ANKFY1: variants seen among roughly 807,000 people sequenced by gnomAD.
ANKFY1 encodes ankyrin repeat and FYVE domain containing 1.
ANKFY1 carries 47 observed loss-of-function variants against 128.3 expected under a neutral mutation model. That is an observed-to-expected ratio of 0.37 (90% CI 0.29 to 0.47). The LOEUF (loss-of-function observed/expected upper bound fraction) is 0.47, where lower values mean the gene tolerates loss of function less well. ANKFY1 is among the 20% of genes least tolerant of loss of function. The pLI is 1.00. For missense variants in ANKFY1, 1,222 were observed against 1,510.6 expected (o/e 0.81, Z 3.17); for synonymous variants, 553 against 601.6 (o/e 0.92, Z 1.18).
chr17:4,212,385 C>G (rs2060148851), intron 4 of ANKFY1, among the ~76,000 whole-genome samples: 1 of 152,198 alleles, frequency 6.6e-6, no homozygotes, highest in Non-Finnish European at 1.5e-5. Flanking sequence ...CCTCTCTCCT[C>G]CTCTATAAAA....
chr17:4,252,809 C>G (rs1967908000), intron 1 of ANKFY1, among the ~76,000 whole-genome samples: 1 of 152,170 alleles, frequency 6.6e-6, no homozygotes, highest in Non-Finnish European at 1.5e-5. Flanking sequence ...AGCTGGTAAA[C>G]AGACACAACT....
chr17:4,213,022 G>A (rs920640680), intron 4 of ANKFY1, among the ~76,000 whole-genome samples: 13 of 151,906 alleles, frequency 8.6e-5, no homozygotes, highest in African/African-American at 3.1e-4. Flanking sequence ...TGACCCGCCC[G>A]CCTCAGCCTC....
intron 19 of ANKFY1, among the ~76,000 whole-genome samples, 164 bp downstream of exon 19, chr17:4,176,962 C>T (rs1200278999): frequency 1.3e-5 from 2 of 152,220 alleles, no homozygotes; most frequent in East Asian, 1.9e-4. Flanking sequence ...GCGCTCAGGA[C>T]GTGCAGCCCT....
At position 4,197,461 on chromosome 17, in the gene ANKFY1, A is replaced by G; in HGVS notation, c.1015T>C (p.Ser339Pro). 3 of 1,614,142 alleles carry G rather than the reference A, an allele frequency of 1.9e-6. No individual in the cohort carries two copies. The highest frequency in any genetic ancestry group is 2.5e-6 in the Non-Finnish European group (3 of 1,180,038). The change falls in exon 8 of 25, where the codon TCA becomes CCA. Residue 339 changes from serine (S) to proline (P), a missense_variant. By Grantham distance (74) the Ser-to-Pro change is moderately conservative. Transcript: ENST00000341657. ...GCCATCTCAGACATCACATCTGCTG[A>G]GTGTTTCTTTGAACTGTACAAGGCC... The part of the protein sequence containing the change: ...LVALYSSKKH[S>P]ADVMSEMAQI...
chr17:4,239,246 G>A (rs1309670227), intron 2 of ANKFY1, among the ~76,000 whole-genome samples: 1 of 152,178 alleles, frequency 6.6e-6, no homozygotes, highest in East Asian at 1.9e-4. Flanking sequence ...TAAATGATGG[G>A]CATTCTAATG....
At chr17:4,189,324 C>T (rs2059669928) in intron 11 of ANKFY1, 58 bp downstream of exon 11, 1 of 1,425,872 alleles carries the variant, frequency 7.0e-7, no homozygotes, top group Admixed American at 2.0e-5. Flanking sequence ...ACATATCCAC[C>T]ACTGCCATTT....
chr17:4,175,933 G>A (rs968920272), intron 19 of ANKFY1, among the ~76,000 whole-genome samples: 2 of 152,196 alleles, frequency 1.3e-5, no homozygotes, highest in African/African-American at 4.8e-5. Context: ...CTGTCATGCC[G>A]GGCCCCAGGA....
intron 1 of ANKFY1, among the ~76,000 whole-genome samples, chr17:4,255,874 A>G (rs1041961487): frequency 4.5e-4 from 68 of 151,680 alleles, no homozygotes; most frequent in African/African-American, 1.6e-3. Flanking sequence ...CTGGAGTGCA[A>G]TGGCGCGATC....
At position 4,195,474 on chromosome 17, in the gene ANKFY1, G is replaced by A. The variant is rs1411498835; in HGVS notation, c.1104-3C>T. On this transcript the variant is annotated splice_region_variant and splice_polypyrimidine_tract_variant and intron_variant, in intron 8 of 24. Coordinates refer to ENST00000341657, the MANE Select transcript of ANKFY1 (RefSeq NM_001330063.2). ...TGATGGACACATGTAAAGGAGTCCT[G>A]CGGGATCCAAAAGAAGAGGGGTCAG... 6.2e-7 allele frequency: 1 copy of A among 1,613,496 alleles called. No homozygotes were observed. The highest frequency in any genetic ancestry group is 8.5e-7 in the Non-Finnish European group (1 of 1,179,590).
rs1598006286 is a variant in ANKFY1 at position 4,172,472 on chromosome 17, A to G, written c.3139+84T>C. 3 of 1,547,054 alleles carry G rather than the reference A, an allele frequency of 1.9e-6. No individual in the cohort carries two copies. In the East Asian group the frequency reaches 6.8e-5, roughly 35 times the overall value. Reference sequence around the variant, plus strand: ...TGTTCTGCGAGCTGAACGCCCTCAGATAACGACGTGTGCCTGGGCTCTTGC... The same window carrying G: ...TGTTCTGCGAGCTGAACGCCCTCAGGTAACGACGTGTGCCTGGGCTCTTGC... On this transcript the variant is annotated intron_variant, in intron 22 of 24. Transcript: ENST00000341657.
At chr17:4,191,413 T>C (rs1397832408) in intron 10 of ANKFY1, 2 of 151,162 alleles carry the variant, frequency 1.3e-5, no homozygotes, top group Non-Finnish European at 2.9e-5. Flanking sequence ...TAGTTGATGG[T>C]TGCTCTAATC....
intron 19 of ANKFY1, 86 bp downstream of exon 19, chr17:4,177,040 C>CA: frequency 7.4e-7 from 1 of 1,343,386 alleles, no homozygotes; most frequent in East Asian, 2.7e-5. Flanking sequence ...CAACACCGGG[C>CA]AAAGCACCTG....
chr17:4,229,187 G>A (rs2060474253), intron 3 of ANKFY1, among the ~76,000 whole-genome samples: 1 of 152,140 alleles, frequency 6.6e-6, no homozygotes, highest in South Asian at 2.1e-4. Context: ...ACTTTGGGGG[G>A]CCGCAGTGGG....
At chr17:4,247,473 A>T (rs1967609148) in intron 1 of ANKFY1, among the ~76,000 whole-genome samples, 1 of 152,094 alleles carries the variant, frequency 6.6e-6, no homozygotes, top group Admixed American at 6.5e-5. Context: ...ATGCTCCCCC[A>T]CCCGGCAGCT....
chr17:4,224,214 GTTTTTTTTTTTTT>G (rs33995900), intron 3 of ANKFY1, among the ~76,000 whole-genome samples: 3 of 66,746 alleles, frequency 4.5e-5, no homozygotes, highest in South Asian at 1.7e-3. Context: ...CACCTTTGAA[GTTTTTTTTTTTTT>G]TTTTTTTTTT....
intron 5 of ANKFY1, among the ~76,000 whole-genome samples, chr17:4,208,323 G>A (rs575148691): frequency 6.6e-6 from 1 of 152,288 alleles, no homozygotes; most frequent in Admixed American, 6.5e-5. Flanking sequence ...GTCCTTAAAT[G>A]GCTGGGGAAC....
chr17:4,224,928 T>C (rs2060397698), intron 3 of ANKFY1, among the ~76,000 whole-genome samples: 1 of 151,336 alleles, frequency 6.6e-6, no homozygotes, highest in African/African-American at 2.4e-5. Flanking sequence ...ACAGAGTGGG[T>C]GCTTGAGTTG....
intron 3 of ANKFY1, among the ~76,000 whole-genome samples, chr17:4,224,672 T>G (rs1598107111): frequency 6.6e-6 from 1 of 152,150 alleles, no homozygotes. Flanking sequence ...TTGTTTGTTT[T>G]TTTTTAGTGA....
At chr17:4,263,037 C>T (rs775542522) in intron 1 of ANKFY1, among the ~76,000 whole-genome samples, 31 of 150,440 alleles carry the variant, frequency 2.1e-4, no homozygotes, top group Non-Finnish European at 3.1e-4. Context: ...ATACTGTTCT[C>T]CAATAATGGG....
Sources: allele counts gnomAD v4.1 joint callset (sites outside exome capture counted in the v4.1 genomes callset), GRCh38; gene constraint gnomAD v4.1.1; transcripts MANE v1.5; gene names NCBI Gene and HGNC (gene_info 2026-07-23, HGNC 2026-07-21).